KCNIP4: variants seen among roughly 807,000 people sequenced by gnomAD.
The protein encoded by KCNIP4 is potassium voltage-gated channel interacting protein 4.
KCNIP4 carries 12 observed loss-of-function variants against 34.0 expected under a neutral mutation model. The ratio of observed to expected loss-of-function variants is 0.35; its 90% CI spans 0.23 to 0.57. The LOEUF (loss-of-function observed/expected upper bound fraction) is 0.57, where lower values mean the gene tolerates loss of function less well. Ranked by LOEUF, KCNIP4 falls within the 20% of genes least tolerant of loss-of-function variation. The pLI, the probability that KCNIP4 is intolerant of heterozygous loss-of-function variation, is 0.83. For synonymous variants in KCNIP4, 124 were observed against 102.2 expected, an observed-to-expected ratio of 1.21 and a Z score of -1.29; for missense variants, 238 against 311.7, an observed-to-expected ratio of 0.76 and a Z score of 1.78.
rs192959715 is a variant in KCNIP4 at position 20,903,748 on chromosome 4, G to T, written c.62-21039C>A. Among the ~76,000 whole-genome samples the T allele has an allele frequency of 2.6e-5, 4 of 152,156 alleles. No individual in the cohort carries two copies. The East Asian group carries it at 7.8e-4, about 30-fold the overall frequency. On this transcript the variant is annotated intron_variant, in intron 1 of 8. Transcript: ENST00000382152. Reference sequence around the variant, plus strand: ...CAGGATCTCCTGAGGGCTGCGTCACGGGCCATGGTCACTCATATTTGGCTT... The same window carrying T: ...CAGGATCTCCTGAGGGCTGCGTCACTGGCCATGGTCACTCATATTTGGCTT...
intron 1 of KCNIP4, among the ~76,000 whole-genome samples, chr4:21,571,238 T>C (rs980101248): frequency 2.6e-5 from 4 of 152,138 alleles, no homozygotes; most frequent in Non-Finnish European, 5.9e-5. Flanking sequence ...ATGAGAATTA[T>C]GGTAATATAA....
At chr4:21,377,967 G>A (rs984383016) in intron 1 of KCNIP4, among the ~76,000 whole-genome samples, 16 of 152,110 alleles carry the variant, frequency 1.1e-4, no homozygotes, top group African/African-American at 3.9e-4. Context: ...TAGTGGTGGT[G>A]GTGGCGGGTA....
Position 20,959,745 on chromosome 4 carries a change from T to A in KCNIP4, c.62-77036A>T, listed in dbSNP as rs368829137. Among the ~76,000 whole-genome samples the A allele has an allele frequency of 6.6e-5, 10 of 152,174 alleles. No individual in the cohort carries two copies. The East Asian group carries it at 9.7e-4, about 15-fold the overall frequency. On this transcript the variant is annotated intron_variant, in intron 1 of 8. Coordinates refer to ENST00000382152, the MANE Select transcript of KCNIP4 (RefSeq NM_025221.6). ...TGAACCCTTCAACACAGAAACCTTA[T>A]CTTTAACGGAGTTCAATGTGGTTGT...
At chr4:21,730,763 T>A (rs898535700) in intron 1 of KCNIP4, among the ~76,000 whole-genome samples, 1 of 152,142 alleles carries the variant, frequency 6.6e-6, no homozygotes, top group Non-Finnish European at 1.5e-5. Context: ...CACAAACTTA[T>A]ACGCTGGAAG....
chr4:21,575,066 C>T (rs2109059467), intron 1 of KCNIP4, among the ~76,000 whole-genome samples: 1 of 152,288 alleles, frequency 6.6e-6, no homozygotes. Context: ...AGAAGAATCT[C>T]ACTGATCCTT....
intron 1 of KCNIP4, among the ~76,000 whole-genome samples, chr4:21,421,403 A>T (rs1725442490): frequency 6.6e-6 from 1 of 152,190 alleles, no homozygotes; most frequent in African/African-American, 2.4e-5. Context: ...GGATAAAGAA[A>T]ATGTGGTATA....
intron 1 of KCNIP4, among the ~76,000 whole-genome samples, chr4:21,136,650 G>A (rs1269080552): frequency 1.3e-5 from 2 of 152,074 alleles, no homozygotes; most frequent in Non-Finnish European, 2.9e-5. Flanking sequence ...GTTTAGACAT[G>A]TCTATATTAA....
intron 1 of KCNIP4, among the ~76,000 whole-genome samples, chr4:21,562,316 AGAGTTT>A (rs1232949446): frequency 6.6e-6 from 1 of 152,054 alleles, no homozygotes; most frequent in Non-Finnish European, 1.5e-5. Context: ...ATGAATGCTT[AGAGTTT>A]AAGTGACTAT....
At chr4:21,901,320 A>G (rs1727692982) in intron 1 of KCNIP4, among the ~76,000 whole-genome samples, 1 of 152,226 alleles carries the variant, frequency 6.6e-6, no homozygotes, top group African/African-American at 2.4e-5. Flanking sequence ...TGGTTTTACT[A>G]TTGCTATTAA....
intron 1 of KCNIP4, among the ~76,000 whole-genome samples, chr4:21,820,736 C>T (rs1009776896): frequency 3.9e-5 from 6 of 152,088 alleles, no homozygotes; most frequent in East Asian, 1.9e-4. Flanking sequence ...TCTAAGTTCA[C>T]TGACATTTCA....
intron 1 of KCNIP4, among the ~76,000 whole-genome samples, chr4:21,918,517 T>G (rs759075992): frequency 7.2e-5 from 11 of 151,974 alleles, no homozygotes; most frequent in Non-Finnish European, 1.2e-4. Flanking sequence ...AGGCTAGGAC[T>G]GTGACACCCC....
chr4:21,778,157 C>T (rs896321882), intron 1 of KCNIP4, among the ~76,000 whole-genome samples: 4 of 149,064 alleles, frequency 2.7e-5, no homozygotes, highest in Admixed American at 2.7e-4. Flanking sequence ...CTCTTATGAT[C>T]AAAAGGAAGC....
chr4:21,758,704 AC>A (rs1157775686), intron 1 of KCNIP4, among the ~76,000 whole-genome samples: 3 of 151,796 alleles, frequency 2.0e-5, no homozygotes, highest in Non-Finnish European at 4.4e-5. Context: ...CCTAAGCCTT[AC>A]TTATCCCATC....
intron 1 of KCNIP4, among the ~76,000 whole-genome samples, chr4:21,668,456 A>G (rs1162448317): frequency 6.6e-6 from 1 of 152,200 alleles, no homozygotes; most frequent in Non-Finnish European, 1.5e-5. Context: ...TTATGAAGAT[A>G]TTTATGTGAA....
intron 1 of KCNIP4, among the ~76,000 whole-genome samples, chr4:21,691,775 T>A (rs900657446): frequency 7.2e-6 from 1 of 138,582 alleles, no homozygotes; most frequent in South Asian, 2.4e-4. Flanking sequence ...TCTTGGCCAC[T>A]GCAACCTCCG....
chr4:21,366,317 A>G (rs1719760068), intron 1 of KCNIP4, among the ~76,000 whole-genome samples: 1 of 152,218 alleles, frequency 6.6e-6, no homozygotes, highest in Non-Finnish European at 1.5e-5. Context: ...AGGATGCTGC[A>G]TGCAACGCAG....
intron 1 of KCNIP4, among the ~76,000 whole-genome samples, chr4:21,604,502 A>G (rs1743476634): frequency 6.6e-6 from 1 of 152,048 alleles, no homozygotes; most frequent in African/African-American, 2.4e-5. Context: ...TACCACCTCT[A>G]TCTTGTTTAA....
chr4:21,396,478 C>T (rs557744485), intron 1 of KCNIP4, among the ~76,000 whole-genome samples: 1 of 137,784 alleles, frequency 7.3e-6, no homozygotes. Context: ...GTTGCCTGAA[C>T]CCGGGAGGCG....
At chr4:21,746,512 T>A (rs1180565377) in intron 1 of KCNIP4, among the ~76,000 whole-genome samples, 1 of 151,968 alleles carries the variant, frequency 6.6e-6, no homozygotes, top group African/African-American at 2.4e-5. Context: ...GACAAACCAT[T>A]TTGGGAAGGA....
Sources: allele counts gnomAD v4.1 joint callset (sites outside exome capture counted in the v4.1 genomes callset), GRCh38; gene constraint gnomAD v4.1.1; transcripts MANE v1.5; gene names NCBI Gene and HGNC (gene_info 2026-07-23, HGNC 2026-07-21).